Variants in MAML2 observed in about 807,000 individuals in gnomAD.
MAML2 encodes the protein mastermind-like protein 2.
MAML2 carries 22 observed loss-of-function variants against 96.1 expected under a neutral mutation model. That is an observed-to-expected ratio of 0.23 (90% CI 0.16 to 0.33). The LOEUF is 0.33. Among genes scored for constraint, MAML2 ranks in the 10% least tolerant of loss-of-function variants. The pLI is 1.00. For synonymous variants in MAML2, 561 were observed against 521.3 expected, an observed-to-expected ratio of 1.08 and a Z score of -1.04; for missense variants, 1,367 against 1,392.4, an observed-to-expected ratio of 0.98 and a Z score of 0.29.
chr11:96,110,629 A>AT (rs779536652), intron 1 of MAML2, among the ~76,000 whole-genome samples: 81 of 152,344 alleles, frequency 5.3e-4, no homozygotes, highest in Non-Finnish European at 7.8e-4. Context: ...CAGAGAAAGC[A>AT]TCGGTGTTGC....
intron 1 of MAML2, among the ~76,000 whole-genome samples, chr11:96,300,810 C>T (rs762930892): frequency 9.2e-5 from 14 of 152,104 alleles, no homozygotes; most frequent in Non-Finnish European, 1.6e-4. Flanking sequence ...TGAGGATAAC[C>T]AGGTAAAGGC....
Position 96,197,308 on chromosome 11 carries a change from T to C in MAML2, c.514-103791A>G, listed in dbSNP as rs375138578. 2.0e-5 allele frequency among the ~76,000 whole-genome samples: 3 copies of C among 152,178 alleles called. No individual in the cohort carries two copies. The South Asian group carries it at 6.2e-4, about 32-fold the overall frequency. The stretch of plus-strand genomic sequence containing the variant: ...CTTCGACATAACTAATTTTGAGTAA[T>C]AGAAAATAAATCTGGGTCACTTTTT... On this transcript the variant is annotated intron_variant, in intron 1 of 4. Coordinates refer to ENST00000524717, the MANE Select transcript of MAML2 (RefSeq NM_032427.4).
intron 1 of MAML2, among the ~76,000 whole-genome samples, chr11:96,178,486 G>A (rs946878843): frequency 1.3e-5 from 2 of 152,092 alleles, no homozygotes; most frequent in African/African-American, 2.4e-5. Context: ...TGACCTTACT[G>A]TGCACTAGGT....
At chr11:96,228,895 G>A (rs138317556) in intron 1 of MAML2, among the ~76,000 whole-genome samples, 5 of 152,038 alleles carry the variant, frequency 3.3e-5, no homozygotes, top group South Asian at 2.1e-4. Context: ...ATGTTCACGC[G>A]GTCTCTTGTA....
chr11:96,197,898 G>A (rs1861754344), intron 1 of MAML2, among the ~76,000 whole-genome samples: 1 of 152,218 alleles, frequency 6.6e-6, no homozygotes, highest in Non-Finnish European at 1.5e-5. Flanking sequence ...AGTAAGGATG[G>A]AGGAGAGTGT....
At chr11:96,070,782 C>G (rs758153325) in intron 2 of MAML2, among the ~76,000 whole-genome samples, 1 of 152,276 alleles carries the variant, frequency 6.6e-6, no homozygotes, top group Non-Finnish European at 1.5e-5. Flanking sequence ...AAAAGTGCCA[C>G]TGGCCAGAGG....
At chr11:96,024,635 A>G (rs985417475) in intron 2 of MAML2, among the ~76,000 whole-genome samples, 8 of 152,182 alleles carry the variant, frequency 5.3e-5, no homozygotes, top group Admixed American at 2.6e-4. Flanking sequence ...CCTACTGAGT[A>G]GAGTAAATTT....
At chr11:96,170,050 A>C (rs1415256826) in intron 1 of MAML2, among the ~76,000 whole-genome samples, 1 of 152,238 alleles carries the variant, frequency 6.6e-6, no homozygotes. Flanking sequence ...CACAACAAAA[A>C]TGCCTTCTGT....
intron 1 of MAML2, among the ~76,000 whole-genome samples, chr11:96,152,030 C>T (rs1860932579): frequency 6.6e-6 from 1 of 152,140 alleles, no homozygotes; most frequent in Non-Finnish European, 1.5e-5. Context: ...TAAGACCAGC[C>T]TGGGCAACAT....
chr11:96,047,914 A>AG, intron 2 of MAML2, among the ~76,000 whole-genome samples: 1 of 96,044 alleles, frequency 1.0e-5, no homozygotes. Flanking sequence ...CTGCCTCAAA[A>AG]AAAAAAAAAA....
At chr11:96,142,631 A>G (rs1309198429) in intron 1 of MAML2, among the ~76,000 whole-genome samples, 1 of 152,190 alleles carries the variant, frequency 6.6e-6, no homozygotes, top group Non-Finnish European at 1.5e-5. Flanking sequence ...AAGTCCTTTT[A>G]TACTAAAGAA....
chr11:96,018,056 G>A (rs1858382964), intron 2 of MAML2, among the ~76,000 whole-genome samples: 1 of 152,206 alleles, frequency 6.6e-6, no homozygotes, highest in Non-Finnish European at 1.5e-5. Flanking sequence ...GAGATGGCAG[G>A]GGCTTGGGCC....
intron 2 of MAML2, among the ~76,000 whole-genome samples, chr11:96,075,626 T>C (rs1046339313): frequency 1.3e-5 from 2 of 152,112 alleles, no homozygotes; most frequent in African/African-American, 2.4e-5. Context: ...CTGGAAGGTA[T>C]AATGTAAAAG....
chr11:96,341,467 A>G lies in MAML2; in HGVS notation c.429T>C (p.Asn143=). ...CGTTTATCCCACCACTGCCACCATTATTGCTACTGTTCAGCAGGTGCTGCT... is the reference window on the plus strand; with the variant it reads ...CGTTTATCCCACCACTGCCACCATTGTTGCTACTGTTCAGCAGGTGCTGCT... ...HHQQHLLNSS[N]NGGSGGINGE... is the part of the protein sequence containing the mutation. The change falls in exon 1 of 5, where the codon AAT becomes AAC. Residue 143 remains asparagine (N), a synonymous_variant. Coordinates refer to ENST00000524717, the MANE Select transcript of MAML2 (RefSeq NM_032427.4). 3.2e-6 allele frequency: 5 copies of G among 1,549,136 alleles called. No homozygotes were observed. The highest frequency in any genetic ancestry group is 4.4e-6 in the Non-Finnish European group (5 of 1,146,478).
chr11:96,104,463 C>A lies in MAML2; in HGVS notation c.514-10946G>T, dbSNP rs147403610. 3.7e-3 allele frequency among the ~76,000 whole-genome samples: 561 copies of A among 152,244 alleles called. 3 individuals are homozygous for A. The highest frequency in any genetic ancestry group is 0.013 in the African/African-American group (530 of 41,534). On this transcript the variant is annotated intron_variant, in intron 1 of 4. Transcript: ENST00000524717. The stretch of plus-strand genomic sequence containing the variant: ...GACTGAAATGAACATTTATTGAATA[C>A]ATCTGCCCTTGCTAACTCCCCTTCT...
intron 1 of MAML2, among the ~76,000 whole-genome samples, chr11:96,235,867 C>T (rs1055998855): frequency 4.6e-5 from 7 of 152,190 alleles, no homozygotes; most frequent in East Asian, 1.9e-4. Flanking sequence ...CAGAAAGCTG[C>T]GGGTTAGAGC....
chr11:96,276,138 A>G (rs1862985300), intron 1 of MAML2, among the ~76,000 whole-genome samples: 1 of 152,204 alleles, frequency 6.6e-6, no homozygotes, highest in African/African-American at 2.4e-5. Context: ...GAAAAAGGTA[A>G]AATAATATCA....
chr11:96,062,633 G>C (rs984675475), intron 2 of MAML2, among the ~76,000 whole-genome samples: 1 of 152,218 alleles, frequency 6.6e-6, no homozygotes, highest in Non-Finnish European at 1.5e-5. Flanking sequence ...GAGTATGCCT[G>C]CTAATTTTAC....
chr11:96,272,258 C>T (rs1862926636), intron 1 of MAML2, among the ~76,000 whole-genome samples: 1 of 152,144 alleles, frequency 6.6e-6, no homozygotes, highest in Non-Finnish European at 1.5e-5. Context: ...CATGTGCCTA[C>T]TACAGTGCCT....
Sources: allele counts gnomAD v4.1 joint callset (sites outside exome capture counted in the v4.1 genomes callset), GRCh38; gene constraint gnomAD v4.1.1; transcripts MANE v1.5; gene names NCBI Gene and HGNC (gene_info 2026-07-23, HGNC 2026-07-21).